The following OR11A1 variants were observed in gnomAD, a reference collection of about 807,000 sequenced individuals.
The protein encoded by OR11A1 is olfactory receptor family 11 subfamily A member 1.
For synonymous variants in OR11A1, 158 were observed against 152.2 expected, an observed-to-expected ratio of 1.04 and a Z score of -0.28; for missense variants, 380 against 378.2, an observed-to-expected ratio of 1.00 and a Z score of -0.04.
chr6:29,456,626 G>A (rs1253103266), intron 1 of OR11A1, among the ~76,000 whole-genome samples: 1 of 152,110 alleles, frequency 6.6e-6, no homozygotes, highest in Non-Finnish European at 1.5e-5. Flanking sequence ...TGACCAAAGA[G>A]AAATGAAAAT....
At position 29,453,641 on chromosome 6, in the gene OR11A1, C is replaced by T. The variant is rs774311570; in HGVS notation, c.-389+3346G>A. ...TCCAGAGGTTACAGTTTTAATGAGG[C>T]GAACAGTGAACCTATCAGAAATGTA... On this transcript the variant is annotated intron_variant, in intron 1 of 4. Transcript: ENST00000377149. The surrounding 1 kb of genome is among the most constrained non-coding windows in gnomAD (Gnocchi z 4.5). 2.0e-5 allele frequency among the ~76,000 whole-genome samples: 3 copies of T among 151,958 alleles called. No individual in the cohort carries two copies. Among genetic ancestry groups the T allele is most frequent in the South Asian group, 2.1e-4 (1 of 4,806 alleles).
chr6:29,444,823 C>T (rs61201055), intron 1 of OR11A1, among the ~76,000 whole-genome samples: 5,920 of 152,164 alleles, frequency 0.039, 270 homozygotes, highest in African/African-American at 0.11. Context: ...CTTACTCACA[C>T]CTGCCATTGC....
chr6:29,445,643 C>T (rs1784680037), intron 1 of OR11A1, among the ~76,000 whole-genome samples: 1 of 152,166 alleles, frequency 6.6e-6, no homozygotes, highest in Non-Finnish European at 1.5e-5. Flanking sequence ...CTGCTCCCCA[C>T]TGAGCTCTCT....
rs751475907 is a variant in OR11A1, at chr6:29,427,310, G to A, written c.332C>T (p.Ala111Val). Residue 111 changes from alanine to valine, a missense_variant, in exon 5 of 5, where the codon GCT becomes GTT. Coordinates refer to ENST00000377149, the MANE Select transcript of OR11A1 (RefSeq NM_001394828.1). ...CATGACAGCCAGCAGTAAGCATTCAGCTGTGGCTAGAGAGCCGAAGATAAA... is the reference window on the plus strand; with the variant it reads ...CATGACAGCCAGCAGTAAGCATTCAACTGTGGCTAGAGAGCCGAAGATAAA... Reference protein sequence around the residue: ...QFFIFGSLATAECLLLAVMAY... With the variant: ...QFFIFGSLATVECLLLAVMAY... 7 of 1,613,100 alleles carry A rather than the reference G, an allele frequency of 4.3e-6. No homozygotes were observed. The highest frequency in any genetic ancestry group is 5.9e-6 in the Non-Finnish European group (7 of 1,180,040).
chr6:29,438,617 G>C (rs1181364910), intron 1 of OR11A1, among the ~76,000 whole-genome samples: 1 of 152,168 alleles, frequency 6.6e-6, no homozygotes, highest in Admixed American at 6.5e-5. Flanking sequence ...AATAGCTCTG[G>C]ATATATTCTT....
intron 1 of OR11A1, among the ~76,000 whole-genome samples, chr6:29,451,448 A>G (rs1295150894): frequency 1.3e-5 from 2 of 152,212 alleles, no homozygotes; most frequent in African/African-American, 2.4e-5. Context: ...TTTGCAAACT[A>G]TGCATCTGAC....
At chr6:29,431,295 T>C (rs1783213063) in intron 2 of OR11A1, among the ~76,000 whole-genome samples, 6 of 151,702 alleles carry the variant, frequency 4.0e-5, no homozygotes, top group Admixed American at 3.9e-4. Context: ...AAACATGTTA[T>C]GTTTGTAAGC....
chr6:29,438,589 G>C (rs1783833724), intron 1 of OR11A1, among the ~76,000 whole-genome samples: 1 of 152,134 alleles, frequency 6.6e-6, no homozygotes, highest in Non-Finnish European at 1.5e-5. Flanking sequence ...CAGAGATATG[G>C]GAGAACTAAG....
intron 1 of OR11A1, among the ~76,000 whole-genome samples, chr6:29,433,969 C>T (rs1414328691): frequency 6.6e-6 from 1 of 152,050 alleles, no homozygotes; most frequent in Non-Finnish European, 1.5e-5. Flanking sequence ...TGTACGTCTT[C>T]TTTTGAGAAA....
At chr6:29,445,620 TC>T (rs1784675909) in intron 1 of OR11A1, among the ~76,000 whole-genome samples, 1 of 152,060 alleles carries the variant, frequency 6.6e-6, no homozygotes. Context: ...GGCAGCATGG[TC>T]CCCCTGCGTT....
At chr6:29,434,047 G>C (rs1318420664) in intron 1 of OR11A1, among the ~76,000 whole-genome samples, 2 of 152,150 alleles carry the variant, frequency 1.3e-5, no homozygotes, top group South Asian at 2.1e-4. Context: ...ATTTGTTTAA[G>C]TTCCTTATAT....
chr6:29,434,338 A>T (rs1307922410), intron 1 of OR11A1, among the ~76,000 whole-genome samples: 1 of 152,204 alleles, frequency 6.6e-6, no homozygotes, highest in Admixed American at 6.5e-5. Context: ...GTTAATTCTC[A>T]TATATTGAGT....
chr6:29,440,250 C>T (rs1304254103), intron 1 of OR11A1: 2 of 1,613,936 alleles, frequency 1.2e-6, no homozygotes, highest in African/African-American at 2.7e-5. Context: ...CACGGTCCCC[C>T]TGCTACTTCA....
chr6:29,440,178 C>T lies in OR11A1; in HGVS notation c.-388-8191G>A, dbSNP rs17184009. 8.7e-3 allele frequency: 14,054 copies of T among 1,613,722 alleles called. 274 individuals carry two copies. The highest frequency in any genetic ancestry group is 0.077 in the African/African-American group (5,761 of 75,002). ...GCTGGTCTCCACTGATGCTGCCCTC[C>T]AGTCCCCTATGTACTTCTTCCTGCG... On this transcript the variant is annotated intron_variant, in intron 1 of 4. Transcript: ENST00000377149.
intron 1 of OR11A1, among the ~76,000 whole-genome samples, chr6:29,455,836 A>T (rs1180455940): frequency 7.7e-6 from 1 of 129,582 alleles, no homozygotes; most frequent in African/African-American, 2.8e-5. Flanking sequence ...AGATCGTGCC[A>T]TTGCACTCCA....
chr6:29,441,832 G>A (rs1478513939), intron 1 of OR11A1, among the ~76,000 whole-genome samples: 1 of 152,066 alleles, frequency 6.6e-6, no homozygotes, highest in Non-Finnish European at 1.5e-5. Flanking sequence ...GAGAATATAT[G>A]GTATTTGGTT....
At position 29,430,128 on chromosome 6, in the gene OR11A1, G is replaced by A. The variant is rs192358530; in HGVS notation, c.-140+173C>T. Among the ~76,000 whole-genome samples, 17 of 152,236 alleles carry A rather than the reference G, an allele frequency of 1.1e-4. No homozygotes were observed. In the East Asian group the frequency reaches 3.1e-3, roughly 28 times the overall value. On this transcript the variant is annotated intron_variant, in intron 3 of 4. Coordinates refer to ENST00000377149, the MANE Select transcript of OR11A1 (RefSeq NM_001394828.1). ...AAATTTTTATAAGTGCTACTGTACC[G>A]AAGTCTTACAAAAAGATATATTCTC...
intron 1 of OR11A1, chr6:29,439,838 G>T (rs1783953516): frequency 1.7e-6 from 1 of 605,022 alleles, no homozygotes; most frequent in Non-Finnish European, 2.9e-6. Context: ...AGCAAGGGTG[G>T]AATATGGACT....
At chr6:29,444,756 G>A (rs1172089545) in intron 1 of OR11A1, among the ~76,000 whole-genome samples, 1 of 152,160 alleles carries the variant, frequency 6.6e-6, no homozygotes, top group Non-Finnish European at 1.5e-5. Context: ...GTCCATCAGT[G>A]ATCCCCATAT....
Sources: gnomAD v4.1 joint callset for allele counts (sites outside exome capture counted in the v4.1 genomes callset) on GRCh38, gnomAD v4.1.1 for gene constraint, Gnocchi (gnomAD v3.1) non-coding constraint, MANE v1.5 for transcripts, NCBI Gene and HGNC (gene_info 2026-07-23, HGNC 2026-07-21) for gene names.